SHOX: variants seen among roughly 807,000 people sequenced by gnomAD.
The protein encoded by SHOX is SHOX homeobox, also known as short stature homeobox protein.
A neutral mutation model predicts 29.6 loss-of-function variants in SHOX; 12 were observed. The observed-to-expected ratio is 0.41, with a 90% confidence interval of 0.26 to 0.66. The LOEUF is 0.66. SHOX is among the 30% of genes least tolerant of loss of function. The probability of loss-of-function intolerance (pLI) is 0.35; values close to 1 mark genes in which losing one functional copy is unlikely to be tolerated. For missense variants in SHOX, 499 were observed against 437.7 expected, an observed-to-expected ratio of 1.14 and a Z score of -1.25; for synonymous variants, 214 against 200.6, an observed-to-expected ratio of 1.07 and a Z score of -0.57.
At chrX:643,613 T>TTGGGGACCTGGTGTCCC (rs2052906062) in intron 4 of SHOX, among the ~76,000 whole-genome samples, 1 of 86,850 alleles carries the variant, frequency 1.2e-5, no homozygotes, top group Non-Finnish European at 2.3e-5. Flanking sequence ...CCTGGTGTCC[T>TTGGGGACCTGGTGTCCC]GGGAGAGCCT....
At chrX:632,558 CT>C (rs1325712152) in intron 1 of SHOX, among the ~76,000 whole-genome samples, 1 of 152,034 alleles carries the variant, frequency 6.6e-6, no homozygotes, top group Non-Finnish European at 1.5e-5. Flanking sequence ...GCTACCTGCT[CT>C]CCGGGGCCCT....
intron 3 of SHOX, 50 bp downstream of exon 3, chrX:640,928 A>G: frequency 6.2e-7 from 1 of 1,613,236 alleles, no homozygotes; most frequent in Non-Finnish European, 8.5e-7. Context: ...CTGCTCCAGG[A>G]GGGATGGGGT....
chrX:639,133 T>G (rs1286761653), intron 2 of SHOX, among the ~76,000 whole-genome samples: 4 of 152,248 alleles, frequency 2.6e-5, no homozygotes, highest in African/African-American at 9.6e-5. Flanking sequence ...GGAATTTGCA[T>G]GCAAATCTTC....
At chrX:651,730 A>G (rs2187644), downstream of SHOX, among the ~76,000 whole-genome samples, 102,296 of 149,648 alleles carry the variant, frequency 0.68, 35,598 homozygotes, top group Non-Finnish European at 0.76. Context: ...GTGGGTACCC[A>G]GTGTTGCCCC....
chrX:637,835 T>A (rs1228561418), intron 2 of SHOX, among the ~76,000 whole-genome samples: 1 of 152,186 alleles, frequency 6.6e-6, no homozygotes, highest in East Asian at 1.9e-4. Flanking sequence ...TTCAATTTAC[T>A]GTGGAAATTT....
At chrX:643,561 G>A (rs922504879) in intron 4 of SHOX, among the ~76,000 whole-genome samples, 1 of 146,356 alleles carries the variant, frequency 6.8e-6, no homozygotes, top group Non-Finnish European at 1.5e-5. Flanking sequence ...TAGTGACCCG[G>A]GAGAGGCTTG....
chrX:653,651 G>A (rs1212360330), downstream of SHOX, among the ~76,000 whole-genome samples: 3 of 151,766 alleles, frequency 2.0e-5, no homozygotes, highest in Non-Finnish European at 4.4e-5. Flanking sequence ...TTTTTCACAC[G>A]GACACGGTTT....
downstream of SHOX, among the ~76,000 whole-genome samples, chrX:653,363 G>T (rs769303307): frequency 6.6e-6 from 1 of 152,332 alleles, no homozygotes; most frequent in African/African-American, 2.4e-5. Context: ...AGAAATAGAT[G>T]TTTGTTGCCA....
At position 631,193 on chromosome X, in the gene SHOX, C is replaced by G. The variant is rs759024868; in HGVS notation, c.277+19C>G. On this transcript the variant is annotated intron_variant, in intron 1 of 4. Transcript: ENST00000686671. ...GCAGAAGGTAAGTTCCTTTGCGCTC[C>G]GGCTCCAGGGGGGCCCTCCTGGGGT... is the stretch of plus-strand genomic sequence containing the variant. 10 of 1,611,956 alleles carry G rather than the reference C, an allele frequency of 6.2e-6. No homozygotes were observed. The highest frequency in any genetic ancestry group is 8.5e-6 in the Non-Finnish European group (10 of 1,179,556).
rs1175018131 is a variant in SHOX at position 644,535 on chromosome X, G to A, written c.778G>A (p.Ala260Thr). The part of the protein sequence containing the change: ...IASLAESASA[A>T]AVVAAAAKSN... ...GTCGCTGGCCGAGTCCGCCTCGGCC[G>A]CCGCCGTGGTCGCCGCCGCCGCCAA... is the stretch of plus-strand genomic sequence containing the variant. Residue 260 changes from alanine (A) to threonine (T), a missense_variant, in exon 5 of 5, where the codon GCC (alanine) becomes ACC (threonine). Physicochemically the swap from Ala to Thr is moderately conservative, Grantham distance 58. Coordinates refer to ENST00000686671, the MANE Select transcript of SHOX (RefSeq NM_000451.4). 8 of 1,517,166 alleles carry A rather than the reference G, an allele frequency of 5.3e-6. 1 individual carries two copies. The highest frequency in any genetic ancestry group is 4.9e-5 in the South Asian group (4 of 82,078). The allele number at this position is 1,517,166 out of a possible 1,614,324, so 94.0% of individuals were successfully genotyped here.
intron 4 of SHOX, among the ~76,000 whole-genome samples, chrX:642,219 CGCAGCG>C (rs1246394238): frequency 6.6e-6 from 1 of 151,968 alleles, no homozygotes; most frequent in Admixed American, 6.6e-5. Context: ...GAACGCGCAG[CGCAGCG>C]CCCGGCTGCG....
At chrX:641,289 G>A (rs2052849290) in intron 4 of SHOX, among the ~76,000 whole-genome samples, 2 of 152,102 alleles carry the variant, frequency 1.3e-5, no homozygotes, top group Admixed American at 1.3e-4. Context: ...GGGCCAGGCG[G>A]GGTGGCTCAC....
intron 1 of SHOX, among the ~76,000 whole-genome samples, chrX:632,306 G>A (rs1289854179): frequency 6.6e-6 from 1 of 152,170 alleles, no homozygotes; most frequent in East Asian, 1.9e-4. Context: ...GGAAATCGGG[G>A]AGTAAGAGGC....
Position 649,967 on chromosome X carries a change from G to A in SHOX, c.*5331G>A, listed in dbSNP as rs2053029633. The A allele has an allele frequency of 2.2e-6, 1 of 455,954 alleles. No individual in the cohort carries two copies. The highest frequency in any genetic ancestry group is 2.0e-5 in the African/African-American group (1 of 50,066). The allele number at this position is 455,954 out of a possible 1,614,324, so 28.2% of individuals were successfully genotyped here. On this transcript the variant is annotated 3_prime_UTR_variant, in exon 5 of 5. Transcript: ENST00000686671. ...CACCCACAGGGAGAAGGAATTGGAT[G>A]TATCGGATGTTGCTATTAGATTTTC...
chrX:634,312 C>T (rs2052701784), intron 1 of SHOX, among the ~76,000 whole-genome samples: 1 of 150,074 alleles, frequency 6.7e-6, no homozygotes, highest in Non-Finnish European at 1.5e-5. Context: ...TAGGATTTGA[C>T]ACCCCACTCT....
chrX:627,571 G>A (rs1301568722), upstream of SHOX, among the ~76,000 whole-genome samples: 2 of 152,228 alleles, frequency 1.3e-5, no homozygotes, highest in East Asian at 3.8e-4. Context: ...TCGGACGTGC[G>A]TGATTTCAAA....
At chrX:641,980 C>A (rs1013436491) in intron 4 of SHOX, among the ~76,000 whole-genome samples, 1 of 152,162 alleles carries the variant, frequency 6.6e-6, no homozygotes, top group African/African-American at 2.4e-5. Flanking sequence ...GCTGGAGACA[C>A]CCTACTCAGC....
upstream of SHOX, among the ~76,000 whole-genome samples, chrX:627,425 G>C (rs2052558065): frequency 6.6e-6 from 1 of 152,134 alleles, no homozygotes. Context: ...AGGTCTTTAG[G>C]TGAGAGGGGT....
upstream of SHOX, among the ~76,000 whole-genome samples, chrX:629,162 CA>C (rs1487043006): frequency 1.9e-5 from 2 of 107,566 alleles, no homozygotes; most frequent in African/African-American, 7.9e-5. Flanking sequence ...TCTCTCTCTC[CA>C]TCTGTCTGTG....
Sources: gnomAD v4.1 joint callset for allele counts (sites outside exome capture counted in the v4.1 genomes callset) on GRCh38, gnomAD v4.1.1 for gene constraint, MANE v1.5 for transcripts, NCBI Gene and HGNC (gene_info 2026-07-23, HGNC 2026-07-21) for gene names.